Variants in ATP10B observed in about 807,000 individuals in gnomAD.
ATP10B encodes the protein phospholipid-transporting ATPase VB.
A neutral mutation model predicts 141.2 loss-of-function variants in ATP10B; 122 were observed. The ratio of observed to expected loss-of-function variants is 0.86; its 90% CI spans 0.75 to 1.00. The LOEUF (loss-of-function observed/expected upper bound fraction) is 1.00, where lower values mean the gene tolerates loss of function less well. Among genes scored for constraint, ATP10B ranks in the 50% least tolerant of loss-of-function variants. The pLI, the probability that ATP10B is intolerant of heterozygous loss-of-function variation, is 0.00. For synonymous variants in ATP10B, 685 were observed against 692.0 expected (o/e 0.99, Z 0.16); for missense variants, 1,876 against 1,825.3 (o/e 1.03, Z -0.51).
the ATP10B span, among the ~76,000 whole-genome samples, chr5:160,908,178 C>A: frequency 6.6e-6 from 1 of 152,112 alleles, no homozygotes; most frequent in Non-Finnish European, 1.5e-5. Context: ...TATCTTTTTA[C>A]AAACACAGAA....
intron 3 of ATP10B, among the ~76,000 whole-genome samples, chr5:160,695,219 T>C (rs1200135109): frequency 6.6e-6 from 1 of 152,222 alleles, no homozygotes; most frequent in Non-Finnish European, 1.5e-5. Context: ...TGTCTCTCTC[T>C]TGATTTCTCT....
At chr5:160,905,796 T>C in the ATP10B span, among the ~76,000 whole-genome samples, 3 of 152,150 alleles carry the variant, frequency 2.0e-5, no homozygotes, top group African/African-American at 7.2e-5. Context: ...GGCTATTAAA[T>C]GCATGATAAA....
chr5:160,757,261 G>A (rs889594825), intron 2 of ATP10B, among the ~76,000 whole-genome samples: 3 of 151,988 alleles, frequency 2.0e-5, no homozygotes, highest in Admixed American at 6.6e-5. Context: ...GTTCACTTTC[G>A]GACTCTTCTG....
chr5:160,924,564 A>G, the ATP10B span, among the ~76,000 whole-genome samples: 12 of 152,322 alleles, frequency 7.9e-5, no homozygotes, highest in Middle Eastern at 3.4e-3. Context: ...TATCGGGGTC[A>G]TGGTGCAGTG....
the ATP10B span, among the ~76,000 whole-genome samples, chr5:160,873,140 T>G: frequency 6.6e-6 from 1 of 151,394 alleles, no homozygotes; most frequent in Non-Finnish European, 1.5e-5. Context: ...TTTTTTCAGC[T>G]ATTATAAAAC....
At chr5:160,740,193 G>T (rs1157344335) in intron 2 of ATP10B, among the ~76,000 whole-genome samples, 1 of 152,182 alleles carries the variant, frequency 6.6e-6, no homozygotes, top group Non-Finnish European at 1.5e-5. Context: ...ACTATCTGGG[G>T]TTGTGAAAAA....
At chr5:160,723,895 G>T (rs1425648207) in intron 2 of ATP10B, among the ~76,000 whole-genome samples, 1 of 152,120 alleles carries the variant, frequency 6.6e-6, no homozygotes, top group Non-Finnish European at 1.5e-5. Flanking sequence ...GCCCATCAAT[G>T]ATAGACTGGA....
At chr5:160,848,521 A>G (rs796911047) in intron 1 of ATP10B, among the ~76,000 whole-genome samples, 5 of 152,332 alleles carry the variant, frequency 3.3e-5, no homozygotes, top group African/African-American at 1.2e-4. Flanking sequence ...CACTGACATA[A>G]TTTTGCTAAT....
the ATP10B span, among the ~76,000 whole-genome samples, chr5:160,899,568 A>G: frequency 6.6e-6 from 1 of 152,174 alleles, no homozygotes; most frequent in Admixed American, 6.6e-5. Context: ...ACGTGCAATT[A>G]TATGCATCTC....
chr5:160,647,368 A>G (rs1396478510), intron 8 of ATP10B, among the ~76,000 whole-genome samples: 2 of 152,164 alleles, frequency 1.3e-5, no homozygotes, highest in Non-Finnish European at 2.9e-5. Context: ...ATTCTCCTTC[A>G]TTCCATGGGT....
At chr5:160,883,940 ACT>A in the ATP10B span, among the ~76,000 whole-genome samples, 6 of 152,096 alleles carry the variant, frequency 3.9e-5, no homozygotes, top group Admixed American at 6.6e-5. Flanking sequence ...TTCCCTTAAG[ACT>A]CTATCAGGAA....
chr5:160,662,159 T>C (rs1219385568), intron 7 of ATP10B, among the ~76,000 whole-genome samples: 2 of 152,188 alleles, frequency 1.3e-5, no homozygotes, highest in African/African-American at 4.8e-5. Context: ...TACAAACAAA[T>C]GGAAGAACAT....
chr5:160,871,917 G>T, the ATP10B span, among the ~76,000 whole-genome samples: 5 of 152,064 alleles, frequency 3.3e-5, no homozygotes, highest in Non-Finnish European at 7.4e-5. Flanking sequence ...ATCCAGCAGT[G>T]GGATTGCTGG....
chr5:160,919,461 G>A, the ATP10B span, among the ~76,000 whole-genome samples: 19 of 152,132 alleles, frequency 1.2e-4, no homozygotes, highest in African/African-American at 4.1e-4. Flanking sequence ...AAACAAATGG[G>A]ATTTGGGGAG....
At chr5:160,854,882 ATTATTC>A (rs1251397860), upstream of ATP10B, among the ~76,000 whole-genome samples, 2 of 152,112 alleles carry the variant, frequency 1.3e-5, no homozygotes, top group African/African-American at 4.8e-5. Flanking sequence ...GATTGACGCA[ATTATTC>A]TTATTCTACG....
chr5:160,676,542 C>T (rs1368478560), intron 6 of ATP10B, among the ~76,000 whole-genome samples: 2 of 152,076 alleles, frequency 1.3e-5, no homozygotes, highest in East Asian at 3.9e-4. Flanking sequence ...CTAAGAGCTG[C>T]GATGATCCTG....
chr5:160,790,950 A>G (rs1771524707), intron 1 of ATP10B, among the ~76,000 whole-genome samples: 1 of 152,118 alleles, frequency 6.6e-6, no homozygotes, highest in African/African-American at 2.4e-5. Context: ...GCAGGAGGAG[A>G]GATCTAAAGT....
chr5:160,695,489 AGT>A (rs59946073), intron 3 of ATP10B, among the ~76,000 whole-genome samples: 14,436 of 148,768 alleles, frequency 0.097, 880 homozygotes, highest in Admixed American at 0.22. Flanking sequence ...TGCGTGAGTG[AGT>A]GTGTGTGTGT....
the ATP10B span, among the ~76,000 whole-genome samples, chr5:160,863,378 GA>G: frequency 1.3e-5 from 2 of 151,836 alleles, no homozygotes; most frequent in African/African-American, 4.8e-5. Context: ...ACAATAAAAT[GA>G]AAACTGAACT....
Sources: gnomAD v4.1 joint callset for allele counts (sites outside exome capture counted in the v4.1 genomes callset) on GRCh38, gnomAD v4.1.1 for gene constraint, MANE v1.5 for transcripts, NCBI Gene and HGNC (gene_info 2026-07-23, HGNC 2026-07-21) for gene names.